ZNF773: variants seen among roughly 807,000 people sequenced by gnomAD.
The protein encoded by ZNF773 is zinc finger protein 773.
ZNF773 carries 11 observed loss-of-function variants against 12.8 expected under a neutral mutation model. The observed-to-expected ratio is 0.86, with a 90% CI of 0.54 to 1.42. ZNF773 has a LOEUF of 1.42. Among genes scored for constraint, ZNF773 ranks in the 40% most tolerant of loss-of-function variants. ZNF773 has a pLI of 0.00. For missense variants in ZNF773, 518 were observed against 527.2 expected, an observed-to-expected ratio of 0.98 and a Z score of 0.17; for synonymous variants, 175 against 178.4, an observed-to-expected ratio of 0.98 and a Z score of 0.15.
At chr19:57,515,190 C>T (rs1381674562), downstream of ZNF773, 1 of 152,228 alleles carries the variant, frequency 6.6e-6, no homozygotes, top group Non-Finnish European at 1.5e-5. Flanking sequence ...CTTCAACAAG[C>T]TGTTCACTCT....
At chr19:57,501,202 A>G (rs1047574278) in intron 1 of ZNF773, among the ~76,000 whole-genome samples, 16 of 152,124 alleles carry the variant, frequency 1.1e-4, no homozygotes, top group African/African-American at 3.6e-4. Flanking sequence ...GAGGGCTCTC[A>G]GCAGGATGGT....
chr19:57,517,831 C>G (rs553472036), downstream of ZNF773: 2 of 152,216 alleles, frequency 1.3e-5, no homozygotes, highest in Admixed American at 1.3e-4. Context: ...TAAGCAGACT[C>G]AAGTGCTTCA....
chr19:57,500,042 G>C lies in ZNF773; in HGVS notation c.-39G>C, dbSNP rs1047688759. 40 of 1,560,350 alleles carry C rather than the reference G, an allele frequency of 2.6e-5. No individual in the cohort carries two copies. The highest frequency in any genetic ancestry group is 3.4e-5 in the Non-Finnish European group (39 of 1,154,648). On this transcript the variant is annotated 5_prime_UTR_variant, in exon 1 of 4. Coordinates refer to ENST00000282292, the MANE Select transcript of ZNF773 (RefSeq NM_198542.3). Reference sequence around the variant, plus strand: ...GGTGGCGGCGCCCAGGGTGGCCCGGGCCCTTTCCTCGGTCGTTGTCTCACC... The same window carrying C: ...GGTGGCGGCGCCCAGGGTGGCCCGGCCCCTTTCCTCGGTCGTTGTCTCACC...
chr19:57,518,234 T>C (rs1307770607), exon 5 of ZNF773: 1 of 152,218 alleles, frequency 6.6e-6, no homozygotes, highest in Non-Finnish European at 1.5e-5. Flanking sequence ...CCACGTGCAG[T>C]GTTCCTTGTG....
At chr19:57,504,576 T>A in intron 1 of ZNF773, 81 bp from the exon 2 acceptor site, 1 of 1,577,388 alleles carries the variant, frequency 6.3e-7, no homozygotes, top group East Asian at 2.3e-5. Flanking sequence ...AGGAAGAGGG[T>A]GAGCAGGGGT....
chr19:57,507,121 C>T lies in ZNF773; in HGVS notation c.1026C>T (p.His342=), dbSNP rs748481074. Residue 342 remains histidine (H), a synonymous_variant, in exon 4 of 4, where the codon CAC becomes CAT. Transcript: ENST00000282292. ...GTGAATGTGGAAAATTCTATAGCCA[C>T]AAGTCCAGCCTTATCAATCATTGGC... is the stretch of plus-strand genomic sequence containing the variant. The part of the protein sequence containing the change: ...KCSECGKFYS[H]KSSLINHWRV... 4 of 1,613,024 alleles carry T rather than the reference C, an allele frequency of 2.5e-6. No individual in the cohort carries two copies. The highest frequency in any genetic ancestry group is 3.3e-5 in the Admixed American group (2 of 59,916).
At chr19:57,502,570 G>T (rs1457216550) in intron 1 of ZNF773, among the ~76,000 whole-genome samples, 1 of 152,192 alleles carries the variant, frequency 6.6e-6, no homozygotes, top group Non-Finnish European at 1.5e-5. Context: ...CACCTGTAGG[G>T]TTAAAGGTGG....
At chr19:57,509,186 C>T (rs2089777434), downstream of ZNF773, among the ~76,000 whole-genome samples, 1 of 152,182 alleles carries the variant, frequency 6.6e-6, no homozygotes, top group African/African-American at 2.4e-5. Context: ...TATCTTATTC[C>T]TTGTGCATTT....
chr19:57,500,765 T>G (rs982810674), intron 1 of ZNF773, among the ~76,000 whole-genome samples: 1 of 152,140 alleles, frequency 6.6e-6, no homozygotes, highest in African/African-American at 2.4e-5. Context: ...GAATAGGTTT[T>G]GGGCATGGTG....
In ZNF773 at chr19:57,505,290, C is replaced by T. The variant is rs1384370050; in HGVS notation, c.164-12C>T. ...TGGCTCAGTGCTGCCACTCACCTGT[C>T]GTTTTCCTTAGGACTTGCATCTTCC... On this transcript the variant is annotated splice_polypyrimidine_tract_variant and intron_variant, in intron 2 of 3. Transcript: ENST00000282292. 3.7e-6 allele frequency: 6 copies of T among 1,610,708 alleles called. No homozygotes were observed. Among genetic ancestry groups the T allele is most frequent in the African/African-American group, 2.7e-5 (2 of 74,860 alleles).
downstream of ZNF773, among the ~76,000 whole-genome samples, chr19:57,509,033 C>A (rs943957746): frequency 6.6e-6 from 1 of 152,198 alleles, no homozygotes; most frequent in African/African-American, 2.4e-5. Flanking sequence ...CCCCTGGCCT[C>A]AAGTGATCAT....
downstream of ZNF773, among the ~76,000 whole-genome samples, chr19:57,511,180 A>G (rs1436265521): frequency 1.3e-5 from 2 of 151,218 alleles, no homozygotes; most frequent in Non-Finnish European, 2.9e-5. Flanking sequence ...CCTCCTGCGT[A>G]GCTGGGACTA....
At position 57,506,979 on chromosome 19, in the gene ZNF773, G is replaced by A. The variant is rs756247137; in HGVS notation, c.884G>A (p.Arg295Lys). ...AATTCCACACTTGTTCAGCATCACA[G>A]AATCCACACTGGAGTAAGGCCTTAT... ...RHNSTLVQHHRIHTGVRPYEC... is the reference protein window; with the variant it reads ...RHNSTLVQHHKIHTGVRPYEC... The change falls in exon 4 of 4, where the codon AGA (arginine) becomes AAA (lysine). Residue 295 changes from arginine to lysine, a missense_variant. By Grantham distance (26) the Arg-to-Lys change is conservative. Coordinates refer to ENST00000282292, the MANE Select transcript of ZNF773 (RefSeq NM_198542.3). The A allele has an allele frequency of 2.5e-5, 41 of 1,613,952 alleles. No individual in the cohort carries two copies. The highest frequency in any genetic ancestry group is 6.7e-5 in the East Asian group (3 of 44,880).
downstream of ZNF773, chr19:57,517,230 G>A (rs1419424107): frequency 6.6e-6 from 1 of 152,210 alleles, no homozygotes; most frequent in Non-Finnish European, 1.5e-5. Context: ...TGTGATGCCT[G>A]TCAACTGTAT....
Position 57,507,380 on chromosome 19 carries a change from A to T in ZNF773, c.1285A>T (p.Ser429Cys). 1 of 1,610,340 alleles carries T rather than the reference A, an allele frequency of 6.2e-7. No individual in the cohort carries two copies. The highest frequency in any genetic ancestry group is 8.5e-7 in the Non-Finnish European group (1 of 1,178,692). The part of the protein sequence containing the change: ...ECGKFFRHSS[S>C]LVKHRRIHTG... ...TGGGAAATTTTTTCGCCACAGCTCC[A>T]GTCTTGTTAAACATCGAAGGATTCA... The change falls in exon 4 of 4, where the codon AGT (serine) becomes TGT (cysteine). Residue 429 changes from serine to cysteine, a missense_variant. By Grantham distance (112) the Ser-to-Cys change is moderately radical. Transcript: ENST00000282292.
rs1419024286 is a variant in ZNF773 at position 57,505,415 on chromosome 19, G to C, written c.262+15G>C. On this transcript the variant is annotated intron_variant, in intron 3 of 3. Transcript: ENST00000282292. ...CATACTGAGAGGTACTTGGTGGGTGGAGCTCAGGGAGGTATGAACTCGGGT... is the reference window on the plus strand; with the variant it reads ...CATACTGAGAGGTACTTGGTGGGTGCAGCTCAGGGAGGTATGAACTCGGGT... 6.2e-7 allele frequency: 1 copy of C among 1,613,906 alleles called. No homozygotes were observed. Among genetic ancestry groups the C allele is most frequent in the South Asian group, 1.1e-5 (1 of 91,076 alleles).
downstream of ZNF773, among the ~76,000 whole-genome samples, chr19:57,511,055 ATTT>A (rs58295363): frequency 1.2e-4 from 14 of 116,846 alleles, no homozygotes; most frequent in South Asian, 4.7e-4. Flanking sequence ...TATTTTATTT[ATTT>A]TTTTTTTTTT....
At chr19:57,510,300 A>G (rs2089784554), downstream of ZNF773, among the ~76,000 whole-genome samples, 1 of 152,230 alleles carries the variant, frequency 6.6e-6, no homozygotes, top group Non-Finnish European at 1.5e-5. Flanking sequence ...GAAAATCTCA[A>G]AATGTAATAA....
chr19:57,509,338 G>A (rs1478020930), downstream of ZNF773, among the ~76,000 whole-genome samples: 1 of 152,210 alleles, frequency 6.6e-6, no homozygotes, highest in Non-Finnish European at 1.5e-5. Context: ...AGAATTTGAT[G>A]TATATAGATA....
Sources: allele counts gnomAD v4.1 joint callset (sites outside exome capture counted in the v4.1 genomes callset), GRCh38; gene constraint gnomAD v4.1.1; transcripts MANE v1.5; gene names NCBI Gene and HGNC (gene_info 2026-07-23, HGNC 2026-07-21).